Variants in CRISP3 observed in about 807,000 individuals in gnomAD.
CRISP3 encodes cysteine-rich secretory protein 3.
In CRISP3, 33 loss-of-function variants were observed where a neutral mutation model predicts 36.1. That is an observed-to-expected ratio of 0.91 (90% CI 0.69 to 1.22). The LOEUF is 1.22. CRISP3 is among the 50% of genes most tolerant of loss of function. The probability of loss-of-function intolerance (pLI) is 0.00; values close to 1 mark genes in which losing one functional copy is unlikely to be tolerated. For missense variants in CRISP3, 330 were observed against 301.2 expected (o/e 1.10, Z -0.71); for synonymous variants, 117 against 104.6 (o/e 1.12, Z -0.72).
At chr6:49,731,139 T>A in intron 7 of CRISP3, 24 bp downstream of exon 7, 3 of 1,451,232 alleles carry the variant, frequency 2.1e-6, no homozygotes, top group African/African-American at 1.4e-5. Context: ...TATTTTATTA[T>A]CAAGTTAATC....
At chr6:49,736,319 A>C in intron 3 of CRISP3, 72 bp downstream of exon 3, 1 of 927,678 alleles carries the variant, frequency 1.1e-6, no homozygotes, top group Non-Finnish European at 1.7e-6. Context: ...TTATTAAGAG[A>C]TATTAGTTGC....
Position 49,727,931 on chromosome 6 carries a change from T to A in CRISP3, c.*799A>T, listed in dbSNP as rs1768808202. On this transcript the variant is annotated 3_prime_UTR_variant, in exon 8 of 8. Transcript: ENST00000263045. ...TTTTCTCCCCTGTAAAGTTACTATG[T>A]TTCCCTTTCCATACTCCACTCTTTG... The A allele has an allele frequency of 6.6e-6, 1 of 152,150 alleles. No homozygotes were observed. Among genetic ancestry groups the A allele is most frequent in the African/African-American group, 2.4e-5 (1 of 41,448 alleles). The allele number at this position is 152,150 out of a possible 1,614,324, so 9.4% of individuals were successfully genotyped here. A position where few individuals can be genotyped will look rare whatever the true frequency, so the allele number is the denominator to read the frequency against.
At chr6:49,736,838 A>G (rs780611963) in intron 2 of CRISP3, among the ~76,000 whole-genome samples, 1 of 152,112 alleles carries the variant, frequency 6.6e-6, no homozygotes, top group Non-Finnish European at 1.5e-5. Context: ...GATAGTAATT[A>G]TTAAGACATT....
rs1055360447 is a variant in CRISP3 at position 49,728,440 on chromosome 6, T to A, written c.*290A>T. The A allele has an allele frequency of 9.5e-6, 2 of 210,816 alleles. No homozygotes were observed. Among genetic ancestry groups the A allele is most frequent in the African/African-American group, 4.6e-5 (2 of 43,460 alleles). 13.1% of individuals were successfully genotyped at this position (210,816 alleles called of 1,614,324 possible). On this transcript the variant is annotated 3_prime_UTR_variant, in exon 8 of 8. Coordinates refer to ENST00000263045, the MANE Select transcript of CRISP3 (RefSeq NM_006061.4). ...TTTAGTGAACTTAGTCATATGAGAA[T>A]ACAACTTTCAAAATTTTCACCCTAA...
In CRISP3 at chr6:49,737,182, A is replaced by G. The variant is rs1769075960; in HGVS notation, c.111+143T>C. On this transcript the variant is annotated intron_variant, in intron 2 of 7. Coordinates refer to ENST00000263045, the MANE Select transcript of CRISP3 (RefSeq NM_006061.4). ...GATCACCACAGCTTTAAACATAATT[A>G]TGTTAACTACCTTGAGCTACTAATG... 6.5e-6 allele frequency: 4 copies of G among 613,598 alleles called. 1 individual carries two copies. The highest frequency in any genetic ancestry group is 3.7e-5 in the African/African-American group (2 of 54,598). The allele number at this position is 613,598 out of a possible 1,614,324, so 38.0% of individuals were successfully genotyped here.
At chr6:49,736,545 G>T (rs565181505) in intron 2 of CRISP3, 38 bp from the exon 3 acceptor site, 3 of 1,407,278 alleles carry the variant, frequency 2.1e-6, no homozygotes, top group East Asian at 2.3e-5. Context: ...TTTTAACATT[G>T]TTGGAAATTG....
In CRISP3 at chr6:49,728,797, G is replaced by C. The variant is rs1462903848; in HGVS notation, c.710C>G (p.Thr237Ser). Residue 237 changes from threonine to serine, a missense_variant, in exon 8 of 8, where the codon ACC becomes AGC. Thr to Ser is a moderately conservative substitution (Grantham distance 58, BLOSUM62 1). Coordinates refer to ENST00000263045, the MANE Select transcript of CRISP3 (RefSeq NM_006061.4). Reference sequence around the variant, plus strand: ...GTCCCTGACCAACTGATGTTTACAGGTTAATGTGAGCTTCAAACTTTTACA... The same window carrying C: ...GTCCCTGACCAACTGATGTTTACAGCTTAATGTGAGCTTCAAACTTTTACA... ...SNCKSLKLTL[T>S]CKHQLVRDSC... 1.9e-6 allele frequency: 3 copies of C among 1,612,636 alleles called. No homozygotes were observed. Among genetic ancestry groups the C allele is most frequent in the South Asian group, 1.1e-5 (1 of 90,746 alleles).
At chr6:49,741,583 A>G (rs1056265170) in intron 1 of CRISP3, among the ~76,000 whole-genome samples, 1 of 150,204 alleles carries the variant, frequency 6.7e-6, no homozygotes, top group Admixed American at 6.6e-5. Context: ...GACAAAAAAT[A>G]CGTCATTAAA....
At chr6:49,733,120 CTTT>C (rs1206079671) in intron 6 of CRISP3, 72 bp downstream of exon 6, 12 of 849,780 alleles carry the variant, frequency 1.4e-5, no homozygotes, top group Non-Finnish European at 2.1e-5. Flanking sequence ...CTTAAATATG[CTTT>C]TTAGTTTTTT....
chr6:49,731,169 G>T lies in CRISP3; in HGVS notation c.643C>A (p.Leu215Ile). 1.2e-6 allele frequency: 2 copies of T among 1,600,170 alleles called. No homozygotes were observed. The highest frequency in any genetic ancestry group is 1.7e-6 in the Non-Finnish European group (2 of 1,169,910). ...ASCPDNCDDG[L>I]CTNGCKYEDL... ...TTAATCACTTCAAACTTACTGCATAGTCCATCGTCACAGTTATCTGGGCAA... is the reference window on the plus strand; with the variant it reads ...TTAATCACTTCAAACTTACTGCATATTCCATCGTCACAGTTATCTGGGCAA... Residue 215 changes from leucine (L) to isoleucine (I), a missense_variant, in exon 7 of 8, where the codon CTA (leucine) becomes ATA (isoleucine). Leu to Ile is a conservative substitution (Grantham distance 5). Coordinates refer to ENST00000263045, the MANE Select transcript of CRISP3 (RefSeq NM_006061.4).
At chr6:49,735,682 T>A (rs1030924011) in intron 3 of CRISP3, 91 bp from the exon 4 acceptor site, 8 of 869,908 alleles carry the variant, frequency 9.2e-6, no homozygotes, top group Non-Finnish European at 1.2e-5. Flanking sequence ...TTGATTTACA[T>A]CATCATAAAA....
chr6:49,728,963 AAGTTG>A, intron 7 of CRISP3, 106 bp from the exon 8 acceptor site: 1 of 1,072,928 alleles, frequency 9.3e-7, no homozygotes, highest in Non-Finnish European at 1.3e-6. Flanking sequence ...GTGAGCAAAC[AAGTTG>A]AGATTATTAC....
At chr6:49,731,003 C>T (rs1306532984) in intron 7 of CRISP3, among the ~76,000 whole-genome samples, 160 bp downstream of exon 7, 1 of 152,224 alleles carries the variant, frequency 6.6e-6, no homozygotes, top group African/African-American at 2.4e-5. Flanking sequence ...GATGGCACCA[C>T]TGCACTCCAG....
At chr6:49,739,430 AG>A (rs1276887692) in intron 1 of CRISP3, among the ~76,000 whole-genome samples, 14 of 152,118 alleles carry the variant, frequency 9.2e-5, no homozygotes, top group Non-Finnish European at 1.8e-4. Flanking sequence ...AAGTACCCAG[AG>A]GGGGAGCTGG....
At chr6:49,729,698 C>T (rs1295041238) in intron 7 of CRISP3, among the ~76,000 whole-genome samples, 1 of 152,026 alleles carries the variant, frequency 6.6e-6, no homozygotes, top group African/African-American at 2.4e-5. Context: ...AATCAATACT[C>T]AACAATACCA....
chr6:49,735,301 T>G (rs1263581570), intron 4 of CRISP3, among the ~76,000 whole-genome samples: 1 of 152,176 alleles, frequency 6.6e-6, no homozygotes, highest in African/African-American at 2.4e-5. Context: ...TGATACTGTG[T>G]GAGACGGTTT....
intron 6 of CRISP3, among the ~76,000 whole-genome samples, chr6:49,731,702 A>T (rs1768921070): frequency 6.6e-6 from 1 of 152,094 alleles, no homozygotes; most frequent in African/African-American, 2.4e-5. Context: ...TTAAAAATAA[A>T]AAAAAACCAT....
In CRISP3 at chr6:49,728,726, G is replaced by A. The variant is rs141178581; in HGVS notation, c.*4C>T. The A allele has an allele frequency of 5.7e-4, 925 of 1,609,436 alleles. 4 individuals are homozygous for A. The highest frequency in any genetic ancestry group is 3.5e-3 in the South Asian group (311 of 89,952). ...CATAGCCCTACTCGGTGTGTAATGC[G>A]TATTTAATAAATGCTGTTTGAACAA... is the stretch of plus-strand genomic sequence containing the variant. On this transcript the variant is annotated 3_prime_UTR_variant, in exon 8 of 8. Coordinates refer to ENST00000263045, the MANE Select transcript of CRISP3 (RefSeq NM_006061.4).
At chr6:49,743,478 C>G (rs554632508) in intron 1 of CRISP3, among the ~76,000 whole-genome samples, 1 of 152,278 alleles carries the variant, frequency 6.6e-6, no homozygotes, top group South Asian at 2.1e-4. Context: ...AACACCGGAT[C>G]TTCTATGGCT....
Sources: allele counts gnomAD v4.1 joint callset (sites outside exome capture counted in the v4.1 genomes callset), GRCh38; gene constraint gnomAD v4.1.1; transcripts MANE v1.5; gene names NCBI Gene and HGNC (gene_info 2026-07-23, HGNC 2026-07-21).